Variants in KLF8 observed in about 807,000 individuals in gnomAD.
The protein encoded by KLF8 is Krueppel-like factor 8.
In KLF8, 10 loss-of-function variants were observed where a neutral mutation model predicts 18.2. The observed-to-expected ratio is 0.55, with a 90% confidence interval of 0.34 to 0.93. The LOEUF is 0.93. Ranked by LOEUF, KLF8 falls within the 40% of genes least tolerant of loss-of-function variation. KLF8 has a pLI of 0.02. For missense variants in KLF8, 264 were observed against 277.9 expected, an observed-to-expected ratio of 0.95 and a Z score of 0.36; for synonymous variants, 109 against 97.3, an observed-to-expected ratio of 1.12 and a Z score of -0.71.
the KLF8 span, among the ~76,000 whole-genome samples, chrX:56,104,402 T>G: frequency 1.6e-4 from 18 of 111,734 alleles, no homozygotes; most frequent in Admixed American, 1.7e-3. Flanking sequence ...AGCCTGTTAT[T>G]GGTCTATTCA....
intron 1 of KLF8, among the ~76,000 whole-genome samples, chrX:56,246,503 T>C (rs939737290): frequency 9.0e-6 from 1 of 111,503 alleles, no homozygotes; most frequent in Non-Finnish European, 1.9e-5. Context: ...CTATAATTAT[T>C]CCCATTTTAC....
the KLF8 span, among the ~76,000 whole-genome samples, chrX:55,945,898 G>A: frequency 9.0e-6 from 1 of 111,032 alleles, no homozygotes; most frequent in Non-Finnish European, 1.9e-5. Context: ...GCTTCAAAGA[G>A]AATAAAATAC....
At chrX:56,119,251 A>G in the KLF8 span, among the ~76,000 whole-genome samples, 1 of 110,624 alleles carries the variant, frequency 9.0e-6, no homozygotes, top group Non-Finnish European at 1.9e-5. Context: ...AAGTGGGAAA[A>G]GGAGGAAGAG....
chrX:56,182,112 T>C, the KLF8 span, among the ~76,000 whole-genome samples: 133 of 111,683 alleles, frequency 1.2e-3, no homozygotes, highest in Non-Finnish European at 1.9e-3. Flanking sequence ...CAGACATAGA[T>C]TTGGTCTTTT....
chrX:56,090,950 G>A, the KLF8 span, among the ~76,000 whole-genome samples: 1 of 112,063 alleles, frequency 8.9e-6, no homozygotes, highest in South Asian at 3.7e-4. Context: ...TGCAGAAAAC[G>A]TAATTTTATT....
the KLF8 span, among the ~76,000 whole-genome samples, chrX:56,060,319 GT>G: frequency 9.0e-6 from 1 of 111,624 alleles, no homozygotes; most frequent in African/African-American, 3.3e-5. Flanking sequence ...TGGACTGTAG[GT>G]TTGTTATAAA....
chrX:55,912,286 A>AT, the KLF8 span, among the ~76,000 whole-genome samples: 5 of 110,298 alleles, frequency 4.5e-5, no homozygotes, highest in Non-Finnish European at 7.6e-5. Context: ...AGAGGTTCTC[A>AT]TTTTTTTTCA....
chrX:56,235,475 G>C (rs1245023296), intron 1 of KLF8, among the ~76,000 whole-genome samples: 5 of 102,272 alleles, frequency 4.9e-5, no homozygotes, highest in African/African-American at 1.5e-4. Flanking sequence ...GGAGTGCAAT[G>C]GCGTGATCTC....
the KLF8 span, among the ~76,000 whole-genome samples, chrX:56,157,727 T>G: frequency 2.7e-5 from 3 of 111,864 alleles, no homozygotes; most frequent in Non-Finnish European, 5.6e-5. Flanking sequence ...ACCCTCTTTT[T>G]GATGGGGTTG....
Position 56,288,072 on chromosome X carries a change from T to C in KLF8, c.*3578T>C, listed in dbSNP as rs2067287113. Among the ~76,000 whole-genome samples the C allele has an allele frequency of 9.1e-6, 1 of 109,558 alleles. No individual in the cohort carries two copies. The highest frequency in any genetic ancestry group is 1.9e-5 in the Non-Finnish European group (1 of 52,803). ...ACAACATGGTGAAACCACGTCTCTA[T>C]TAAAAATACAAAAAATTAGCCAGGC... On this transcript the variant is annotated 3_prime_UTR_variant, in exon 6 of 6. Transcript: ENST00000468660.
At chrX:56,013,183 G>C in the KLF8 span, among the ~76,000 whole-genome samples, 1 of 112,833 alleles carries the variant, frequency 8.9e-6, no homozygotes, top group Non-Finnish European at 1.9e-5. Flanking sequence ...AGTCGAAAGA[G>C]ATTATTTTGG....
At chrX:55,944,666 C>T in the KLF8 span, among the ~76,000 whole-genome samples, 6 of 111,049 alleles carry the variant, frequency 5.4e-5, no homozygotes, top group South Asian at 3.8e-4. Context: ...TCTGTGGGTT[C>T]GGTGGTGATA....
chrX:56,198,420 C>A, the KLF8 span, among the ~76,000 whole-genome samples: 1 of 111,823 alleles, frequency 8.9e-6, no homozygotes, highest in Admixed American at 9.5e-5. Context: ...GTGCAAAAAT[C>A]ACAAGCTTTC....
At chrX:56,205,072 C>T in the KLF8 span, among the ~76,000 whole-genome samples, 1 of 110,821 alleles carries the variant, frequency 9.0e-6, no homozygotes, top group Non-Finnish European at 1.9e-5. Flanking sequence ...TAACAACCAA[C>T]TAATAAAATT....
the KLF8 span, among the ~76,000 whole-genome samples, chrX:56,135,483 T>A: frequency 9.1e-6 from 1 of 109,997 alleles, no homozygotes; most frequent in African/African-American, 3.3e-5. Context: ...TTCTCACTCA[T>A]AGGTGGGAAT....
chrX:56,266,494 A>T (rs2066974657), intron 3 of KLF8: 1 of 747,891 alleles, frequency 1.3e-6, no homozygotes, highest in Non-Finnish European at 1.6e-6. Context: ...GTCTTGCAAC[A>T]GATAATTTGA....
the KLF8 span, among the ~76,000 whole-genome samples, chrX:56,160,512 G>T: frequency 3.6e-5 from 4 of 111,288 alleles, no homozygotes; most frequent in African/African-American, 1.3e-4. Flanking sequence ...CATTACTATT[G>T]TGTGGGAGTC....
the KLF8 span, among the ~76,000 whole-genome samples, chrX:55,925,785 G>A: frequency 9.0e-6 from 1 of 111,472 alleles, no homozygotes; most frequent in African/African-American, 3.3e-5. Context: ...ATTTTTGTGG[G>A]GATAAGGGAT....
the KLF8 span, among the ~76,000 whole-genome samples, chrX:55,921,299 C>T: frequency 8.9e-6 from 1 of 111,990 alleles, no homozygotes; most frequent in Admixed American, 9.5e-5. Context: ...AATAGGGAAT[C>T]CTTTCCCAGT....
Sources: gnomAD v4.1 joint callset for allele counts (sites outside exome capture counted in the v4.1 genomes callset) on GRCh38, gnomAD v4.1.1 for gene constraint, MANE v1.5 for transcripts, NCBI Gene and HGNC (gene_info 2026-07-23, HGNC 2026-07-21) for gene names.